Variants in ITGB5 observed in about 807,000 individuals in gnomAD.
ITGB5 encodes integrin beta-5.
Under a neutral mutation model 84.8 loss-of-function variants are expected in ITGB5, and 38 were observed. The observed-to-expected ratio is 0.45, with a 90% CI of 0.35 to 0.59. The LOEUF (loss-of-function observed/expected upper bound fraction) is 0.59, where lower values mean the gene tolerates loss of function less well. Ranked by LOEUF, ITGB5 falls within the 20% of genes least tolerant of loss-of-function variation. ITGB5 has a pLI of 0.01. For missense variants in ITGB5, 905 were observed against 1,034.5 expected (o/e 0.87, Z 1.72); for synonymous variants, 393 against 414.4 (o/e 0.95, Z 0.63).
chr3:124,803,637 G>A (rs2064350096), intron 9 of ITGB5, among the ~76,000 whole-genome samples: 1 of 152,202 alleles, frequency 6.6e-6, no homozygotes, highest in Non-Finnish European at 1.5e-5. Flanking sequence ...GGCAAGTCAC[G>A]CTCATCCTCA....
intron 1 of ITGB5, among the ~76,000 whole-genome samples, chr3:124,900,235 A>C (rs944902349): frequency 6.6e-6 from 1 of 152,192 alleles, no homozygotes; most frequent in Non-Finnish European, 1.5e-5. Context: ...TGGCTGTGTC[A>C]CTTCCTAGAT....
At chr3:124,816,788 C>T (rs3772836) in intron 8 of ITGB5, among the ~76,000 whole-genome samples, 1 of 151,990 alleles carries the variant, frequency 6.6e-6, no homozygotes, top group Non-Finnish European at 1.5e-5. Flanking sequence ...CCTAAACCAC[C>T]TCTATAAGAA....
At chr3:124,842,989 C>T (rs897420583) in intron 4 of ITGB5, among the ~76,000 whole-genome samples, 10 of 152,176 alleles carry the variant, frequency 6.6e-5, no homozygotes, top group Non-Finnish European at 1.5e-4. Flanking sequence ...GTGATAGTCG[C>T]GCTCTCCCTC....
At chr3:124,776,430 C>G (rs1006019636) in intron 10 of ITGB5, among the ~76,000 whole-genome samples, 11 of 152,204 alleles carry the variant, frequency 7.2e-5, no homozygotes, top group African/African-American at 2.4e-4. Context: ...CCCCACCCCC[C>G]CAACATTTTG....
chr3:124,842,400 G>A (rs1182705756), intron 4 of ITGB5, among the ~76,000 whole-genome samples: 1 of 152,192 alleles, frequency 6.6e-6, no homozygotes, highest in Non-Finnish European at 1.5e-5. Context: ...GCTTGATCTA[G>A]AACTAATAAA....
At position 124,861,849 on chromosome 3, in the gene ITGB5, T is replaced by G. The variant is rs894376958; in HGVS notation, c.157-2403A>C. ...TGCTGGAATTACAGGCGTGAGCCAG[T>G]GCACCCGGCCTCTGGCCTTAGATTT... On this transcript the variant is annotated intron_variant, in intron 2 of 14. Transcript: ENST00000296181. 3.9e-5 allele frequency among the ~76,000 whole-genome samples: 6 copies of G among 152,198 alleles called. No homozygotes were observed. The South Asian group carries it at 6.2e-4, about 16-fold the overall frequency.
At chr3:124,893,205 C>T (rs909847260) in intron 1 of ITGB5, among the ~76,000 whole-genome samples, 9 of 152,040 alleles carry the variant, frequency 5.9e-5, no homozygotes, top group Admixed American at 3.3e-4. Flanking sequence ...GTCAGGAGTT[C>T]GAGACCCGCC....
intron 9 of ITGB5, among the ~76,000 whole-genome samples, chr3:124,804,641 G>A (rs1410101689): frequency 6.6e-6 from 1 of 152,054 alleles, no homozygotes; most frequent in Non-Finnish European, 1.5e-5. Context: ...AGCTTCAACT[G>A]GCATTACTTT....
At chr3:124,785,506 A>C (rs1579195096) in intron 10 of ITGB5, among the ~76,000 whole-genome samples, 1 of 149,910 alleles carries the variant, frequency 6.7e-6, no homozygotes, top group Non-Finnish European at 1.5e-5. Context: ...AATTGCGTGA[A>C]CCCGGGAGGC....
intron 9 of ITGB5, 27 bp downstream of exon 9, chr3:124,808,995 T>A (rs2064454210): frequency 1.2e-6 from 2 of 1,608,296 alleles, no homozygotes; most frequent in Non-Finnish European, 1.7e-6. Context: ...CTAACAAGAG[T>A]TCATACAAAC....
rs2063838797 is a variant in ITGB5 at position 124,771,228 on chromosome 3, G to GAAAAGTGT, written c.1917-2123_1917-2116dup. ...TGTTGAGTGTGAACTCACCCAAAGTGAAAAGTGTGGTTAGTTAGATCCAGA... is the reference window on the plus strand; with the variant it reads ...TGTTGAGTGTGAACTCACCCAAAGTGAAAAGTGTAAAAGTGTGGTTAGTTAGATCCAGA... On this transcript the variant is annotated intron_variant, in intron 11 of 14. Coordinates refer to ENST00000296181, the MANE Select transcript of ITGB5 (RefSeq NM_002213.5). 3.3e-5 allele frequency among the ~76,000 whole-genome samples: 5 copies of GAAAAGTGT among 152,306 alleles called. No individual in the cohort carries two copies. The South Asian group carries it at 1.0e-3, about 32-fold the overall frequency.
intron 1 of ITGB5, among the ~76,000 whole-genome samples, chr3:124,885,702 C>CG (rs1934772288): frequency 6.6e-6 from 1 of 152,200 alleles, no homozygotes; most frequent in South Asian, 2.1e-4. Flanking sequence ...CACTGGCTGC[C>CG]GGATGGGTGT....
chr3:124,856,293 A>C (rs1335415010), intron 3 of ITGB5, among the ~76,000 whole-genome samples: 3 of 152,178 alleles, frequency 2.0e-5, no homozygotes, highest in Non-Finnish European at 2.9e-5. Flanking sequence ...CATTTTAAAA[A>C]CTGGAATTAT....
chr3:124,791,990 T>C (rs2064156216), intron 10 of ITGB5: 2 of 152,186 alleles, frequency 1.3e-5, no homozygotes, highest in African/African-American at 2.4e-5. Context: ...TGCATGAACA[T>C]GTTATCAAGT....
chr3:124,832,798 G>A (rs894349079), intron 5 of ITGB5: 1 of 152,206 alleles, frequency 6.6e-6, no homozygotes, highest in Non-Finnish European at 1.5e-5. Flanking sequence ...ACAAAACACT[G>A]TCCATTAACC....
At chr3:124,830,866 C>A (rs2064850047) in intron 5 of ITGB5, among the ~76,000 whole-genome samples, 1 of 152,082 alleles carries the variant, frequency 6.6e-6, no homozygotes, top group African/African-American at 2.4e-5. Context: ...TGCCTGTAAT[C>A]CTAGCTACTT....
chr3:124,816,132 G>GT (rs1379227662), intron 8 of ITGB5, among the ~76,000 whole-genome samples: 2 of 152,130 alleles, frequency 1.3e-5, no homozygotes, highest in African/African-American at 4.8e-5. Flanking sequence ...AAGAAAGGGG[G>GT]TAAAAACAAG....
At chr3:124,836,731 C>T (rs954304632) in intron 5 of ITGB5, among the ~76,000 whole-genome samples, 3 of 152,170 alleles carry the variant, frequency 2.0e-5, no homozygotes, top group African/African-American at 7.2e-5. Context: ...ACAAGAATCA[C>T]GGCTCCTCTG....
intron 10 of ITGB5, among the ~76,000 whole-genome samples, chr3:124,783,338 C>T (rs543373987): frequency 6.6e-6 from 1 of 151,126 alleles, no homozygotes; most frequent in African/African-American, 2.4e-5. Flanking sequence ...TTAAACAGAC[C>T]TGAGCATGTT....
Sources: allele counts gnomAD v4.1 joint callset (sites outside exome capture counted in the v4.1 genomes callset), GRCh38; gene constraint gnomAD v4.1.1; transcripts MANE v1.5; gene names NCBI Gene and HGNC (gene_info 2026-07-23, HGNC 2026-07-21).